Variants in SORCS2 observed in about 807,000 individuals in gnomAD.
SORCS2 encodes VPS10 domain-containing receptor SorCS2.
In SORCS2, 100 loss-of-function variants were observed where a neutral mutation model predicts 141.6. The ratio of observed to expected loss-of-function variants is 0.71; its 90% CI spans 0.60 to 0.83. SORCS2 has a LOEUF of 0.83. Ranked by LOEUF, SORCS2 falls within the 40% of genes least tolerant of loss-of-function variation. The pLI is 0.00. For synonymous variants in SORCS2, 789 were observed against 676.9 expected, an observed-to-expected ratio of 1.17 and a Z score of -2.57; for missense variants, 1,646 against 1,560.2, an observed-to-expected ratio of 1.05 and a Z score of -0.93.
At chr4:7,598,173 T>C (rs1286985724) in intron 3 of SORCS2, among the ~76,000 whole-genome samples, 1 of 152,080 alleles carries the variant, frequency 6.6e-6, no homozygotes, top group Non-Finnish European at 1.5e-5. Flanking sequence ...TTCACCATGT[T>C]GGCCAGGCTG....
chr4:7,459,376 G>A (rs4689124), intron 2 of SORCS2, among the ~76,000 whole-genome samples: 63,417 of 152,004 alleles, frequency 0.42, 14,371 homozygotes, highest in Middle Eastern at 0.53. Flanking sequence ...ACAGAAAGGC[G>A]GTGGTGTTGA....
At chr4:7,598,221 C>G (rs750517039) in intron 3 of SORCS2, among the ~76,000 whole-genome samples, 12 of 152,084 alleles carry the variant, frequency 7.9e-5, no homozygotes, top group Non-Finnish European at 1.2e-4. Context: ...CCTGCCTCAG[C>G]CTTCCAAAGT....
At chr4:7,601,952 A>G (rs578049881) in intron 3 of SORCS2, among the ~76,000 whole-genome samples, 2 of 152,326 alleles carry the variant, frequency 1.3e-5, no homozygotes, top group African/African-American at 4.8e-5. Flanking sequence ...CCCTGAGTGG[A>G]CACAGCACAT....
At chr4:7,210,572 T>G (rs559714942) in intron 1 of SORCS2, among the ~76,000 whole-genome samples, 8 of 152,318 alleles carry the variant, frequency 5.3e-5, no homozygotes, top group Non-Finnish European at 1.0e-4. Flanking sequence ...TGAGCCGCCA[T>G]GCCTGGATCA....
chr4:7,284,304 C>T (rs527240722), intron 1 of SORCS2, among the ~76,000 whole-genome samples: 34 of 151,688 alleles, frequency 2.2e-4, no homozygotes, highest in South Asian at 1.0e-3. Context: ...TGGGGTCAGA[C>T]GGTCTGTGTT....
At chr4:7,510,772 G>C (rs1009820433) in intron 2 of SORCS2, among the ~76,000 whole-genome samples, 1 of 111,004 alleles carries the variant, frequency 9.0e-6, no homozygotes, top group African/African-American at 3.6e-5. Context: ...CGCATGGACC[G>C]ACGCTTGCGC....
chr4:7,511,455 C>CAT (rs1732642050), intron 2 of SORCS2, among the ~76,000 whole-genome samples: 1 of 145,324 alleles, frequency 6.9e-6, no homozygotes, highest in Non-Finnish European at 1.5e-5. Flanking sequence ...CACACACACA[C>CAT]ACAGATACAC....
At chr4:7,455,405 G>T (rs1226680671) in intron 2 of SORCS2, among the ~76,000 whole-genome samples, 3 of 127,222 alleles carry the variant, frequency 2.4e-5, no homozygotes, top group Non-Finnish European at 4.9e-5. Context: ...CTGTGTTGGG[G>T]TCAGGCACTG....
chr4:7,583,604 GTC>G (rs1341165593), intron 3 of SORCS2, among the ~76,000 whole-genome samples: 1 of 152,154 alleles, frequency 6.6e-6, no homozygotes, highest in Non-Finnish European at 1.5e-5. Flanking sequence ...TAGTGAATAA[GTC>G]TCACAAGATC....
chr4:7,618,873 C>T (rs71601864), intron 3 of SORCS2, among the ~76,000 whole-genome samples: 2,103 of 152,100 alleles, frequency 0.014, 20 homozygotes, highest in Non-Finnish European at 0.023. Flanking sequence ...CACACACCAC[C>T]GTCCTGGAAG....
At chr4:7,488,972 C>T (rs935855357) in intron 2 of SORCS2, among the ~76,000 whole-genome samples, 3 of 152,220 alleles carry the variant, frequency 2.0e-5, no homozygotes, top group South Asian at 2.1e-4. Context: ...TTTACGTATT[C>T]GTGCTTTTTC....
chr4:7,634,956 T>A (rs4689147), intron 3 of SORCS2, among the ~76,000 whole-genome samples: 113,977 of 152,160 alleles, frequency 0.75, 43,098 homozygotes, highest in East Asian at 0.96. Context: ...CAGAGCTCAC[T>A]AGGTCATCCA....
At chr4:7,555,283 G>A (rs139850247) in intron 3 of SORCS2, among the ~76,000 whole-genome samples, 5 of 152,328 alleles carry the variant, frequency 3.3e-5, no homozygotes, top group South Asian at 2.1e-4. Context: ...AGGTGCAATC[G>A]CTGTGAAATT....
At chr4:7,737,950 C>T (rs145349837) in intron 26 of SORCS2, among the ~76,000 whole-genome samples, 39 of 152,332 alleles carry the variant, frequency 2.6e-4, no homozygotes, top group East Asian at 1.4e-3. Flanking sequence ...CACATGGTCT[C>T]GCTGTGTGGC....
At chr4:7,234,901 G>C (rs1712154543) in intron 1 of SORCS2, among the ~76,000 whole-genome samples, 1 of 152,274 alleles carries the variant, frequency 6.6e-6, no homozygotes, top group South Asian at 2.1e-4. Context: ...CAGTGCTGGG[G>C]CCAGGAGGCC....
chr4:7,593,632 C>T (rs1317337928), intron 3 of SORCS2, among the ~76,000 whole-genome samples: 1 of 152,002 alleles, frequency 6.6e-6, no homozygotes, highest in Non-Finnish European at 1.5e-5. Flanking sequence ...GCTCAGAGCC[C>T]AGCCGAAACC....
At chr4:7,540,140 C>T (rs1268857668) in intron 3 of SORCS2, among the ~76,000 whole-genome samples, 1 of 109,942 alleles carries the variant, frequency 9.1e-6, no homozygotes, top group Non-Finnish European at 1.9e-5. Flanking sequence ...TATGAGGGCC[C>T]TGCCCCTCCC....
intron 1 of SORCS2, among the ~76,000 whole-genome samples, chr4:7,309,217 G>A (rs922854948): frequency 6.6e-6 from 1 of 152,214 alleles, no homozygotes; most frequent in South Asian, 2.1e-4. Context: ...AAGTGTGGAA[G>A]CTCCAGAGAG....
rs989643275 is a variant in SORCS2, at chr4:7,550,878, C to T, written c.648+19249C>T. 1.2e-3 allele frequency among the ~76,000 whole-genome samples: 180 copies of T among 152,314 alleles called. 1 individual carries two copies. Among genetic ancestry groups the T allele is most frequent in the Non-Finnish European group, 3.2e-4 (22 of 68,022 alleles). ...GAGCCCTTTTTCCATCTGTCTCACCCGCTCATCTGCTGTCTTGGCCTTTTC... is the reference window on the plus strand; with the variant it reads ...GAGCCCTTTTTCCATCTGTCTCACCTGCTCATCTGCTGTCTTGGCCTTTTC... On this transcript the variant is annotated intron_variant, in intron 3 of 26. Coordinates refer to ENST00000507866, the MANE Select transcript of SORCS2 (RefSeq NM_020777.3).
Sources: allele counts gnomAD v4.1 joint callset (sites outside exome capture counted in the v4.1 genomes callset), GRCh38; gene constraint gnomAD v4.1.1; transcripts MANE v1.5; gene names NCBI Gene and HGNC (gene_info 2026-07-23, HGNC 2026-07-21).